The following UTS2 variants were observed in gnomAD, a reference collection of about 807,000 sequenced individuals.
UTS2 encodes the protein urotensin-2.
A neutral mutation model predicts 12.6 loss-of-function variants in UTS2; 10 were observed. The ratio of observed to expected loss-of-function variants is 0.80; its 90% CI spans 0.49 to 1.35. The LOEUF is 1.35. Among genes scored for constraint, UTS2 ranks in the 40% most tolerant of loss-of-function variants. UTS2 has a pLI of 0.00. For synonymous variants in UTS2, 52 were observed against 50.0 expected (o/e 1.04, Z -0.17); for missense variants, 142 against 143.2 (o/e 0.99, Z 0.04).
the UTS2 span, among the ~76,000 whole-genome samples, chr1:7,875,846 C>T: frequency 6.6e-6 from 1 of 152,146 alleles, no homozygotes; most frequent in Non-Finnish European, 1.5e-5. Context: ...TTGCCCATGG[C>T]CTCTGGCACC....
the UTS2 span, among the ~76,000 whole-genome samples, chr1:7,893,962 A>G: frequency 6.6e-6 from 1 of 152,140 alleles, no homozygotes; most frequent in Admixed American, 6.5e-5. Context: ...GCATAGCTAG[A>G]GAGAGAATTC....
At chr1:7,891,373 A>T in the UTS2 span, among the ~76,000 whole-genome samples, 13 of 151,948 alleles carry the variant, frequency 8.6e-5, 1 homozygote, top group South Asian at 2.7e-3. Flanking sequence ...TAAAAATACA[A>T]AAATTAGCCA....
upstream of UTS2, among the ~76,000 whole-genome samples, chr1:7,853,968 G>A (rs1639383514): frequency 6.6e-6 from 1 of 152,228 alleles, no homozygotes; most frequent in East Asian, 1.9e-4. Context: ...GGTGGCTCAT[G>A]CCTGTAATTT....
At chr1:7,882,999 T>A in the UTS2 span, among the ~76,000 whole-genome samples, 1 of 152,070 alleles carries the variant, frequency 6.6e-6, no homozygotes, top group East Asian at 1.9e-4. Flanking sequence ...GAAAACAGTG[T>A]GGAGGTTTCT....
chr1:7,866,875 C>CTTTGTTTTTGT, the UTS2 span, among the ~76,000 whole-genome samples: 1 of 151,946 alleles, frequency 6.6e-6, no homozygotes, highest in East Asian at 1.9e-4. This position sits in a 1 kb window ranked among gnomAD's most constrained non-coding sequence, Gnocchi z 4.5. Context: ...TTTGTTTTTG[C>CTTTGTTTTTGT]CTTTGTTTTT....
At chr1:7,869,845 T>G in the UTS2 span, among the ~76,000 whole-genome samples, 1 of 152,258 alleles carries the variant, frequency 6.6e-6, no homozygotes, top group African/African-American at 2.4e-5. Context: ...GTCACCTGAA[T>G]GATGCCTGAA....
At chr1:7,850,259 C>T (rs753964768) in intron 2 of UTS2, among the ~76,000 whole-genome samples, 4 of 152,062 alleles carry the variant, frequency 2.6e-5, no homozygotes, top group East Asian at 1.9e-4. Flanking sequence ...TGTGAGCCAC[C>T]GCACCCAGCA....
the UTS2 span, among the ~76,000 whole-genome samples, chr1:7,873,604 C>T: frequency 1.3e-5 from 2 of 152,170 alleles, no homozygotes; most frequent in Non-Finnish European, 2.9e-5. Context: ...GAAGATGTGA[C>T]TCAGTTGCTT....
the UTS2 span, among the ~76,000 whole-genome samples, chr1:7,892,480 T>TG: frequency 7.0e-6 from 1 of 142,354 alleles, no homozygotes; most frequent in African/African-American, 2.6e-5. Flanking sequence ...TTTTTTTTTT[T>TG]TTTTTTTTTT....
the UTS2 span, among the ~76,000 whole-genome samples, chr1:7,863,019 T>C: frequency 8.6e-5 from 2 of 23,268 alleles, no homozygotes; most frequent in African/African-American, 2.7e-4. Context: ...TATTGTATTG[T>C]ATTGTATTGT....
At chr1:7,894,453 C>G in the UTS2 span, among the ~76,000 whole-genome samples, 1 of 152,124 alleles carries the variant, frequency 6.6e-6, no homozygotes, top group African/African-American at 2.4e-5. Context: ...GAATTACAAG[C>G]ATGAACCACC....
chr1:7,866,133 C>T, the UTS2 span, among the ~76,000 whole-genome samples: 1 of 152,148 alleles, frequency 6.6e-6, no homozygotes, highest in Non-Finnish European at 1.5e-5. This position sits in a 1 kb window ranked among gnomAD's most constrained non-coding sequence, Gnocchi z 4.5. Flanking sequence ...ACCATGCCCA[C>T]GCTCTGGGCC....
intron 1 of UTS2, among the ~76,000 whole-genome samples, chr1:7,851,818 G>T (rs1379924080): frequency 6.6e-6 from 1 of 152,202 alleles, no homozygotes. Context: ...TCTGCGATAA[G>T]CTGCCACTTG....
the UTS2 span, among the ~76,000 whole-genome samples, chr1:7,870,289 C>A: frequency 6.6e-6 from 1 of 152,062 alleles, no homozygotes; most frequent in African/African-American, 2.4e-5. Flanking sequence ...GAGGGACGAC[C>A]GAGTGAGGAC....
At chr1:7,865,393 T>A in the UTS2 span, among the ~76,000 whole-genome samples, 1 of 86,888 alleles carries the variant, frequency 1.2e-5, no homozygotes. Flanking sequence ...CGATACCATC[T>A]TCCCCCTGTG....
At chr1:7,847,920 A>C (rs758578023) in intron 3 of UTS2, 38 bp from the exon 4 acceptor site, 10 of 1,441,624 alleles carry the variant, frequency 6.9e-6, no homozygotes, top group African/African-American at 2.9e-5. Flanking sequence ...ACAAAAAAAA[A>C]CAGATAAGTT....
the UTS2 span, among the ~76,000 whole-genome samples, chr1:7,871,504 A>T: frequency 1.3e-3 from 205 of 152,208 alleles, 1 homozygote; most frequent in Non-Finnish European, 2.4e-3. Flanking sequence ...AGCAGGCTCC[A>T]TGAGGGCAGG....
chr1:7,906,481 A>AAG, the UTS2 span, among the ~76,000 whole-genome samples: 1 of 150,070 alleles, frequency 6.7e-6, no homozygotes, highest in South Asian at 2.1e-4. Flanking sequence ...GAAAGAAAGA[A>AAG]AGAAAGAAAG....
At chr1:7,867,024 C>G in the UTS2 span, among the ~76,000 whole-genome samples, 1 of 152,100 alleles carries the variant, frequency 6.6e-6, no homozygotes, top group Non-Finnish European at 1.5e-5. Flanking sequence ...CATGCATCAC[C>G]ACGCCCAGCT....
Sources: allele counts gnomAD v4.1 joint callset (sites outside exome capture counted in the v4.1 genomes callset), GRCh38; gene constraint gnomAD v4.1.1; non-coding constraint Gnocchi (gnomAD v3.1); transcripts MANE v1.5; gene names NCBI Gene and HGNC (gene_info 2026-07-23, HGNC 2026-07-21).